Variants in TENM1 observed in about 807,000 individuals in gnomAD.
The protein encoded by TENM1 is teneurin-1.
In TENM1, 35 loss-of-function variants were observed where a neutral mutation model predicts 174.8. The ratio of observed to expected loss-of-function variants is 0.20; its 90% confidence interval spans 0.15 to 0.27. The LOEUF (loss-of-function observed/expected upper bound fraction) is 0.27. Ranked by LOEUF, TENM1 falls within the 10% of genes least tolerant of loss-of-function variation. TENM1 has a pLI of 1.00. For synonymous variants in TENM1, 781 were observed against 798.7 expected (o/e 0.98, Z 0.37); for missense variants, 1,633 against 2,130.1 (o/e 0.77, Z 4.59).
chrX:124,562,152 C>T (rs2048832215), intron 13 of TENM1, among the ~76,000 whole-genome samples: 3 of 111,669 alleles, frequency 2.7e-5, no homozygotes, highest in South Asian at 3.8e-4. Flanking sequence ...CAAAACTATA[C>T]GGATGACACT....
At chrX:124,918,040 C>CA (rs1490474567) in intron 1 of TENM1, among the ~76,000 whole-genome samples, 1 of 112,129 alleles carries the variant, frequency 8.9e-6, no homozygotes, top group Non-Finnish European at 1.9e-5. Context: ...GTTAAACAAA[C>CA]AGAAACCTTC....
intron 23 of TENM1, among the ~76,000 whole-genome samples, chrX:124,430,352 G>A (rs1344696577): frequency 3.6e-5 from 4 of 112,151 alleles, no homozygotes; most frequent in Non-Finnish European, 7.5e-5. Flanking sequence ...TCAGGCTCAC[G>A]AGTTAAGATT....
At chrX:124,626,602 T>C (rs1487534991) in intron 11 of TENM1, among the ~76,000 whole-genome samples, 1 of 112,002 alleles carries the variant, frequency 8.9e-6, no homozygotes, top group Non-Finnish European at 1.9e-5. Context: ...AAGGTGCACA[T>C]AGTTTGCTTA....
chrX:124,548,177 C>A (rs896925408), intron 14 of TENM1, among the ~76,000 whole-genome samples: 1 of 111,898 alleles, frequency 8.9e-6, no homozygotes, highest in Admixed American at 9.5e-5. Context: ...AATGCGATGA[C>A]TTTCTCTGTT....
chrX:124,483,081 T>G (rs1438747996), intron 21 of TENM1, among the ~76,000 whole-genome samples: 1 of 112,260 alleles, frequency 8.9e-6, no homozygotes, highest in African/African-American at 3.2e-5. Context: ...TAAATCATTT[T>G]TTTCCCATGC....
At chrX:124,980,481 T>A in the TENM1 span, among the ~76,000 whole-genome samples, 1 of 110,882 alleles carries the variant, frequency 9.0e-6, no homozygotes, top group Non-Finnish European at 1.9e-5. Flanking sequence ...AGTTTAAAGG[T>A]CATAAGCCAA....
At chrX:125,080,606 A>G in the TENM1 span, among the ~76,000 whole-genome samples, 1 of 111,522 alleles carries the variant, frequency 9.0e-6, no homozygotes, top group Non-Finnish European at 1.9e-5. Context: ...AAATATAAAT[A>G]TAAAATCATA....
intron 11 of TENM1, among the ~76,000 whole-genome samples, chrX:124,566,175 T>G (rs2048937556): frequency 8.9e-6 from 1 of 112,252 alleles, no homozygotes; most frequent in East Asian, 2.8e-4. Flanking sequence ...AATAACTTTC[T>G]AATAAAATTC....
At chrX:124,805,542 T>C (rs749209144) in intron 3 of TENM1, among the ~76,000 whole-genome samples, 3 of 112,969 alleles carry the variant, frequency 2.7e-5, no homozygotes, top group South Asian at 7.3e-4. Flanking sequence ...TGGCACCAGA[T>C]GGGAAAGCAT....
the TENM1 span, among the ~76,000 whole-genome samples, chrX:125,081,176 C>T: frequency 0.066 from 7,352 of 110,877 alleles, 600 homozygotes; most frequent in African/African-American, 0.23. Context: ...TATTTGTTGA[C>T]TGAACAAATA....
chrX:124,926,828 A>G (rs1413902403), intron 1 of TENM1, among the ~76,000 whole-genome samples: 1 of 112,066 alleles, frequency 8.9e-6, no homozygotes, highest in East Asian at 2.8e-4. Flanking sequence ...GTCTGTCAAA[A>G]TTATGCAATG....
At chrX:125,035,360 A>G in the TENM1 span, among the ~76,000 whole-genome samples, 1 of 112,019 alleles carries the variant, frequency 8.9e-6, no homozygotes, top group East Asian at 2.8e-4. Context: ...TAGTAAATAC[A>G]GCAGATCATT....
chrX:124,840,654 T>C (rs1321389535), intron 3 of TENM1, among the ~76,000 whole-genome samples: 1 of 111,656 alleles, frequency 9.0e-6, no homozygotes, highest in African/African-American at 3.2e-5. Context: ...CAAATGTACA[T>C]AGCACAACAT....
the TENM1 span, among the ~76,000 whole-genome samples, chrX:124,975,689 T>TG: frequency 8.9e-6 from 1 of 111,818 alleles, no homozygotes; most frequent in East Asian, 2.8e-4. Flanking sequence ...AAGACTAGAC[T>TG]GAAAAGGAGC....
intron 6 of TENM1, among the ~76,000 whole-genome samples, chrX:124,663,096 T>G (rs988913479): frequency 5.4e-5 from 6 of 111,873 alleles, no homozygotes; most frequent in Non-Finnish European, 7.5e-5. Flanking sequence ...GGTTTCTCTT[T>G]CAACTCAACT....
chrX:125,124,139 C>A, the TENM1 span, among the ~76,000 whole-genome samples: 3 of 112,418 alleles, frequency 2.7e-5, no homozygotes, highest in Non-Finnish European at 5.6e-5. Flanking sequence ...GTGTATCTTT[C>A]TCTTCTTAAA....
the TENM1 span, among the ~76,000 whole-genome samples, chrX:125,048,902 G>A: frequency 9.0e-6 from 1 of 111,122 alleles, no homozygotes; most frequent in Non-Finnish European, 1.9e-5. Context: ...AAATTACTAA[G>A]TAACTTAGAT....
intron 11 of TENM1, among the ~76,000 whole-genome samples, chrX:124,626,379 T>C (rs1046008006): frequency 3.6e-5 from 4 of 111,482 alleles, no homozygotes; most frequent in African/African-American, 1.3e-4. Context: ...CATACGATCT[T>C]GTTTTTAGCA....
At chrX:125,027,611 C>CTTTTTTTTTTT in the TENM1 span, among the ~76,000 whole-genome samples, 21 of 83,078 alleles carry the variant, frequency 2.5e-4, no homozygotes, top group Admixed American at 3.9e-4. Flanking sequence ...TTTTCTTTTT[C>CTTTTTTTTTTT]TTTTTTTTTT....
Sources: allele counts gnomAD v4.1 joint callset (sites outside exome capture counted in the v4.1 genomes callset), GRCh38; gene constraint gnomAD v4.1.1; transcripts MANE v1.5; gene names NCBI Gene and HGNC (gene_info 2026-07-23, HGNC 2026-07-21).